DCLK1: variants seen among roughly 807,000 people sequenced by gnomAD.
The protein encoded by DCLK1 is serine/threonine-protein kinase DCLK1.
A neutral mutation model predicts 86.2 loss-of-function variants in DCLK1; 16 were observed. That is an observed-to-expected ratio of 0.19 (90% CI 0.13 to 0.28). The LOEUF (loss-of-function observed/expected upper bound fraction) is 0.28, where lower values mean the gene tolerates loss of function less well. Among genes scored for constraint, DCLK1 ranks in the 10% least tolerant of loss-of-function variants. The pLI is 1.00. For missense variants in DCLK1, 590 were observed against 940.2 expected (o/e 0.63, Z 4.87); for synonymous variants, 369 against 370.5 (o/e 1.00, Z 0.05).
intron 5 of DCLK1, among the ~76,000 whole-genome samples, chr13:35,862,640 C>T (rs1225739866): frequency 2.0e-5 from 3 of 152,194 alleles, no homozygotes; most frequent in Non-Finnish European, 4.4e-5. Flanking sequence ...CCACAACCAA[C>T]GGGGCTACCA....
intron 3 of DCLK1, among the ~76,000 whole-genome samples, chr13:35,993,647 G>A (rs1880343213): frequency 6.6e-6 from 1 of 152,164 alleles, no homozygotes; most frequent in Non-Finnish European, 1.5e-5. Context: ...TCATTACCAA[G>A]TGGTTGTGAG....
chr13:36,087,009 T>A (rs1220449884), intron 3 of DCLK1, among the ~76,000 whole-genome samples: 1 of 152,178 alleles, frequency 6.6e-6, no homozygotes, highest in Non-Finnish European at 1.5e-5. Flanking sequence ...CTGAGTCAAA[T>A]GGTATTTCTG....
chr13:36,095,817 G>A (rs554371835), intron 3 of DCLK1, among the ~76,000 whole-genome samples: 1 of 152,142 alleles, frequency 6.6e-6, no homozygotes, highest in African/African-American at 2.4e-5. Context: ...CATTGTTGTA[G>A]ATAAAATAAG....
rs558735333 is a variant in DCLK1, at chr13:35,967,459, G to A, written c.724-20002C>T. Among the ~76,000 whole-genome samples the A allele has an allele frequency of 5.9e-3, 902 of 152,336 alleles. 15 individuals carry two copies. Among genetic ancestry groups the A allele is most frequent in the African/African-American group, 0.021 (863 of 41,564 alleles). ...TGTGTAGAAAGAAGTAGACATAGGA[G>A]ACTCCATTTTGTTCTGTACTAAGAA... is the stretch of plus-strand genomic sequence containing the variant. On this transcript the variant is annotated intron_variant, in intron 3 of 16. Coordinates refer to ENST00000360631, the MANE Select transcript of DCLK1 (RefSeq NM_001330071.2).
chr13:35,935,298 G>A (rs1385579579), intron 4 of DCLK1, among the ~76,000 whole-genome samples: 1 of 152,154 alleles, frequency 6.6e-6, no homozygotes, highest in Non-Finnish European at 1.5e-5. Flanking sequence ...TGGAGGGCTA[G>A]GTAAGTCAAT....
chr13:35,898,943 G>A (rs1196849971), intron 4 of DCLK1, among the ~76,000 whole-genome samples: 1 of 151,996 alleles, frequency 6.6e-6, no homozygotes, highest in Non-Finnish European at 1.5e-5. Flanking sequence ...GTCTCACTAT[G>A]TTGCCCAGGC....
chr13:36,001,313 A>G (rs1880705147), intron 3 of DCLK1, among the ~76,000 whole-genome samples: 1 of 152,340 alleles, frequency 6.6e-6, no homozygotes, highest in Non-Finnish European at 1.5e-5. Context: ...ACAGCAAAAA[A>G]CAATGCTACC....
intron 3 of DCLK1, among the ~76,000 whole-genome samples, chr13:36,058,153 T>C (rs1042702861): frequency 6.6e-6 from 1 of 152,070 alleles, no homozygotes; most frequent in Non-Finnish European, 1.5e-5. Context: ...AACTGGGTTT[T>C]TAAAAAAGAG....
intron 3 of DCLK1, among the ~76,000 whole-genome samples, chr13:36,042,567 A>C (rs984366844): frequency 6.6e-6 from 1 of 152,230 alleles, no homozygotes; most frequent in African/African-American, 2.4e-5. Flanking sequence ...AAAATGTTCA[A>C]ATAACAATAT....
chr13:36,088,809 C>T (rs556850164), intron 3 of DCLK1, among the ~76,000 whole-genome samples: 51 of 152,308 alleles, frequency 3.3e-4, no homozygotes, highest in African/African-American at 1.2e-3. Flanking sequence ...ATGACAACCA[C>T]ATTTCCATTT....
chr13:36,089,953 G>T (rs568938856), intron 3 of DCLK1, among the ~76,000 whole-genome samples: 1 of 152,132 alleles, frequency 6.6e-6, no homozygotes, highest in Non-Finnish European at 1.5e-5. Context: ...CCAGATGTGC[G>T]TTTGCAATTC....
intron 1 of DCLK1, 98 bp from the exon 2 acceptor site, chr13:36,126,254 G>A: frequency 2.9e-6 from 3 of 1,021,204 alleles, no homozygotes; most frequent in Non-Finnish European, 3.9e-6. Flanking sequence ...TAGGGACAGG[G>A]TCCTGCTCTG....
At chr13:35,805,633 A>G in intron 15 of DCLK1, 66 bp downstream of exon 15, 4 of 1,500,932 alleles carry the variant, frequency 2.7e-6, no homozygotes, top group Non-Finnish European at 2.8e-6. Flanking sequence ...TAACATTAGA[A>G]AATCTGCAAC....
intron 1 of DCLK1, among the ~76,000 whole-genome samples, chr13:36,126,767 T>C (rs1405071211): frequency 6.6e-6 from 1 of 152,198 alleles, no homozygotes; most frequent in Non-Finnish European, 1.5e-5. Context: ...ACAAATTTGT[T>C]AGAAGCAGCT....
chr13:35,875,858 A>C (rs1477408937), intron 4 of DCLK1, among the ~76,000 whole-genome samples: 3 of 152,188 alleles, frequency 2.0e-5, no homozygotes, highest in African/African-American at 7.2e-5. Context: ...GAACTAACCC[A>C]AACTCTCATT....
At chr13:35,819,261 T>C (rs2087339455) in intron 11 of DCLK1, among the ~76,000 whole-genome samples, 2 of 152,184 alleles carry the variant, frequency 1.3e-5, no homozygotes. Context: ...ACCTAAAATG[T>C]GGCTGAAAAC....
chr13:35,871,434 G>T, intron 4 of DCLK1, 94 bp from the exon 5 acceptor site: 2 of 1,032,794 alleles, frequency 1.9e-6, no homozygotes, highest in South Asian at 1.4e-5. Flanking sequence ...AGAAATATAT[G>T]ACCATCCTCA....
At chr13:36,009,785 G>A (rs1363966524) in intron 3 of DCLK1, among the ~76,000 whole-genome samples, 1 of 119,236 alleles carries the variant, frequency 8.4e-6, no homozygotes, top group Non-Finnish European at 1.7e-5. Flanking sequence ...GCTTGATGGG[G>A]ATGGCATTGA....
At chr13:35,947,530 A>T (rs1448832924) in intron 3 of DCLK1, 73 bp from the exon 4 acceptor site, 1 of 1,249,002 alleles carries the variant, frequency 8.0e-7, no homozygotes. Context: ...CCACGAGCAG[A>T]CATCTGCATA....
Sources: gnomAD v4.1 joint callset for allele counts (sites outside exome capture counted in the v4.1 genomes callset) on GRCh38, gnomAD v4.1.1 for gene constraint, MANE v1.5 for transcripts, NCBI Gene and HGNC (gene_info 2026-07-23, HGNC 2026-07-21) for gene names.